The following WSB1 variants were observed in gnomAD, a reference collection of about 807,000 sequenced individuals.
The protein encoded by WSB1 is WD repeat and SOCS box-containing protein 1.
Under a neutral mutation model 50.2 loss-of-function variants are expected in WSB1, and 23 were observed. That is an observed-to-expected ratio of 0.46 (90% CI 0.33 to 0.65). The LOEUF (loss-of-function observed/expected upper bound fraction) is 0.65, where lower values mean the gene tolerates loss of function less well. Among genes scored for constraint, WSB1 ranks in the 30% least tolerant of loss-of-function variants. WSB1 has a pLI of 0.02. For synonymous variants in WSB1, 179 were observed against 172.0 expected, an observed-to-expected ratio of 1.04 and a Z score of -0.32; for missense variants, 492 against 522.3, an observed-to-expected ratio of 0.94 and a Z score of 0.56.
At chr17:27,298,460 G>T (rs1446159101) in intron 1 of WSB1, among the ~76,000 whole-genome samples, 3 of 152,144 alleles carry the variant, frequency 2.0e-5, no homozygotes, top group Non-Finnish European at 4.4e-5. Context: ...AGTGGGTCAT[G>T]CCTTAATCTC....
intron 5 of WSB1, chr17:27,308,289 T>TTA: frequency 1.0e-6 from 1 of 986,118 alleles, no homozygotes; most frequent in East Asian, 1.1e-4. Flanking sequence ...ACATTTAATA[T>TTA]AACAGACTGA....
intron 6 of WSB1, 45 bp from the exon 7 acceptor site, chr17:27,310,016 T>A (rs1264435694): frequency 6.5e-7 from 1 of 1,547,952 alleles, no homozygotes; most frequent in Non-Finnish European, 8.9e-7. Context: ...AATTTTGTTT[T>A]CTTGAAGTGA....
intron 4 of WSB1, among the ~76,000 whole-genome samples, chr17:27,306,202 CTTTTTTTTTTTTTTTTT>C (rs907711059): frequency 3.2e-5 from 2 of 63,148 alleles, no homozygotes; most frequent in Non-Finnish European, 6.0e-5. Context: ...AGAATTCTGT[CTTTTTTTTTTTTTTTTT>C]TTTTTTTTTT....
chr17:27,297,941 C>T (rs1383626366), intron 1 of WSB1, among the ~76,000 whole-genome samples: 1 of 151,930 alleles, frequency 6.6e-6, no homozygotes, highest in Non-Finnish European at 1.5e-5. Flanking sequence ...AACTCCGTCT[C>T]TGCTAAAATA....
rs770245850 is a variant in WSB1, at chr17:27,303,378, G to T, written c.221G>T (p.Gly74Val). The stretch of plus-strand genomic sequence containing the variant: ...TTCCCCCACTCCAGTCTCTTGCATG[G>T]CACCAAGAATGTTACCAATTCAAGC... ...SQCLQNFLLH[G>V]TKNVTNSSSL... The change falls in exon 3 of 9, where the codon GGC (glycine) becomes GTC (valine). Residue 74 changes from glycine to valine, a missense_variant. Transcript: ENST00000262394. 1.2e-6 allele frequency: 2 copies of T among 1,613,712 alleles called. No individual in the cohort carries two copies.
intron 1 of WSB1, among the ~76,000 whole-genome samples, chr17:27,295,904 C>A (rs1441556035): frequency 1.3e-5 from 2 of 151,288 alleles, no homozygotes; most frequent in Admixed American, 1.3e-4. Flanking sequence ...ATGGCACGAT[C>A]TCGGCTCACT....
intron 1 of WSB1, among the ~76,000 whole-genome samples, chr17:27,301,117 G>A (rs776959626): frequency 3.3e-5 from 5 of 152,044 alleles, no homozygotes; most frequent in African/African-American, 7.2e-5. Flanking sequence ...CAAGTGATCC[G>A]CTTGTCTTGG....
At position 27,294,237 on chromosome 17, in the gene WSB1, C is replaced by T. The variant is rs2016847746; in HGVS notation, c.-159C>T. 1.6e-5 allele frequency: 15 copies of T among 957,700 alleles called. 1 individual carries two copies. The South Asian group carries it at 1.8e-4, about 12-fold the overall frequency. 59.3% of individuals were successfully genotyped at this position (957,700 alleles called of 1,614,324 possible). ...GGTCTGAGGCCTTCGGGAGCTTTCC[C>T]GAGGCAGTTAGCAGAAGCCGCAGCG... On this transcript the variant is annotated 5_prime_UTR_variant, in exon 1 of 9. Transcript: ENST00000262394.
chr17:27,308,138 C>A (rs569644370), intron 5 of WSB1: 1 of 1,036,978 alleles, frequency 9.6e-7, no homozygotes, highest in South Asian at 4.6e-5. Flanking sequence ...CCAGAGATAT[C>A]TTACGTCTTT....
Position 27,309,223 on chromosome 17 carries a change from C to G in WSB1, c.835C>G (p.Arg279Gly). 4 of 1,611,876 alleles carry G rather than the reference C, an allele frequency of 2.5e-6. No homozygotes were observed. Among genetic ancestry groups the G allele is most frequent in the East Asian group, 4.5e-5 (2 of 44,788 alleles). The change falls in exon 6 of 9, where the codon CGA becomes GGA. Residue 279 changes from arginine to glycine, a missense_variant. Transcript: ENST00000262394. Reference protein sequence around the residue: ...ALLATASYDTRVYIWDPHNGD... With the variant: ...ALLATASYDTGVYIWDPHNGD... ...ACTGGCTACTGCATCTTATGATACT[C>G]GAGTATATATCTGGGATCCACATAA...
chr17:27,308,627 A>G (rs1219293592), intron 5 of WSB1: 1 of 985,954 alleles, frequency 1.0e-6, no homozygotes, highest in Non-Finnish European at 1.2e-6. Context: ...ACCCAAGCCT[A>G]TTGTAAACAA....
Position 27,309,207 on chromosome 17 carries a change from T to G in WSB1, c.819T>G (p.Thr273=). ...CTCCTGATGGAGCATTACTGGCTACTGCATCTTATGATACTCGAGTATATA... is the reference window on the plus strand; with the variant it reads ...CTCCTGATGGAGCATTACTGGCTACGGCATCTTATGATACTCGAGTATATA... ...DFSPDGALLA[T]ASYDTRVYIW... Residue 273 remains threonine, a synonymous_variant, in exon 6 of 9, where the codon ACT becomes ACG. Transcript: ENST00000262394. The G allele has an allele frequency of 6.2e-7, 1 of 1,613,194 alleles. No homozygotes were observed. Among genetic ancestry groups the G allele is most frequent in the South Asian group, 1.1e-5 (1 of 90,972 alleles).
rs1453532271 is a variant in WSB1 at position 27,310,086 on chromosome 17, A to T, written c.910A>T (p.Ile304Leu). The change falls in exon 7 of 9, where the codon ATA becomes TTA. Residue 304 changes from isoleucine to leucine, a missense_variant. By Grantham distance (5) the Ile-to-Leu change is conservative. Coordinates refer to ENST00000262394, the MANE Select transcript of WSB1 (RefSeq NM_015626.10). ...FGHLFPPPTP[I>L]FAGGANDRWV... ...GCACCTGTTTCCCCCACCTACTCCA[A>T]TATTTGCTGGAGGAGCAAATGACCG... The T allele has an allele frequency of 6.2e-7, 1 of 1,613,952 alleles. No individual in the cohort carries two copies. Among genetic ancestry groups the T allele is most frequent in the Non-Finnish European group, 8.5e-7 (1 of 1,179,956 alleles).
At chr17:27,294,969 T>C (rs1351164272) in intron 1 of WSB1, among the ~76,000 whole-genome samples, 1 of 152,208 alleles carries the variant, frequency 6.6e-6, no homozygotes, top group South Asian at 2.1e-4. Flanking sequence ...AGGAGACTTT[T>C]AGAATTATCT....
At chr17:27,299,279 A>T (rs148571167) in intron 1 of WSB1, among the ~76,000 whole-genome samples, 17 of 152,142 alleles carry the variant, frequency 1.1e-4, no homozygotes, top group African/African-American at 4.1e-4. Context: ...GGGAGGCTGA[A>T]GGTGGGAGGA....
intron 8 of WSB1, among the ~76,000 whole-genome samples, 195 bp downstream of exon 8, chr17:27,311,811 T>C (rs898881619): frequency 2.0e-5 from 3 of 151,952 alleles, no homozygotes; most frequent in African/African-American, 7.3e-5. Context: ...TATTTGTTTG[T>C]TCGTTTTTCC....
intron 1 of WSB1, among the ~76,000 whole-genome samples, chr17:27,298,223 G>A (rs564769143): frequency 6.6e-6 from 1 of 150,834 alleles, no homozygotes; most frequent in African/African-American, 2.4e-5. Context: ...TTTACTAGAT[G>A]TTCTTGAAAT....
At chr17:27,311,412 T>A in intron 7 of WSB1, 97 bp from the exon 8 acceptor site, 1 of 836,580 alleles carries the variant, frequency 1.2e-6, no homozygotes, top group Admixed American at 2.7e-5. Context: ...GTGTATTTTG[T>A]GACTCATAAC....
At chr17:27,308,426 T>C (rs538867478) in intron 5 of WSB1, 1 of 984,588 alleles carries the variant, frequency 1.0e-6, no homozygotes, top group South Asian at 4.7e-5. Context: ...CTTATGATCG[T>C]GGTTAGTTTG....
Sources: gnomAD v4.1 joint callset for allele counts (sites outside exome capture counted in the v4.1 genomes callset) on GRCh38, gnomAD v4.1.1 for gene constraint, MANE v1.5 for transcripts, NCBI Gene and HGNC (gene_info 2026-07-23, HGNC 2026-07-21) for gene names.